The following NCK2 variants were observed in gnomAD, a reference collection of about 807,000 sequenced individuals.
The protein encoded by NCK2 is cytoplasmic protein NCK2.
Under a neutral mutation model 33.9 loss-of-function variants are expected in NCK2, and 16 were observed. That is an observed-to-expected ratio of 0.47 (90% CI 0.32 to 0.72). NCK2 has a LOEUF of 0.72. Ranked by LOEUF, NCK2 falls within the 30% of genes least tolerant of loss-of-function variation. The pLI, the probability that NCK2 is intolerant of heterozygous loss-of-function variation, is 0.03. For missense variants in NCK2, 418 were observed against 537.3 expected, an observed-to-expected ratio of 0.78 and a Z score of 2.19; for synonymous variants, 273 against 239.9, an observed-to-expected ratio of 1.14 and a Z score of -1.27.
chr2:105,808,420 A>T (rs1326759097), intron 1 of NCK2, among the ~76,000 whole-genome samples: 1 of 152,226 alleles, frequency 6.6e-6, no homozygotes, highest in Non-Finnish European at 1.5e-5. Flanking sequence ...GGACTCCCTG[A>T]TACATTAGCA....
intron 2 of NCK2, among the ~76,000 whole-genome samples, chr2:105,818,948 G>A (rs1005500694): frequency 3.9e-5 from 6 of 152,158 alleles, no homozygotes; most frequent in Non-Finnish European, 7.3e-5. Context: ...TTGATGTGTG[G>A]TATTTAGAAC....
At chr2:105,766,199 G>C (rs1689941944) in intron 1 of NCK2, among the ~76,000 whole-genome samples, 1 of 152,204 alleles carries the variant, frequency 6.6e-6, no homozygotes, top group African/African-American at 2.4e-5. Context: ...GGTAGCAGGA[G>C]AGCCCGGGAA....
chr2:105,839,511 G>A (rs11124062), intron 2 of NCK2, among the ~76,000 whole-genome samples: 47,409 of 151,974 alleles, frequency 0.31, 7,852 homozygotes, highest in South Asian at 0.41. Flanking sequence ...TGGGGGCTGG[G>A]TCAGCCCACT....
At chr2:105,866,335 T>C (rs1457831217) in intron 3 of NCK2, among the ~76,000 whole-genome samples, 2 of 151,900 alleles carry the variant, frequency 1.3e-5, no homozygotes, top group African/African-American at 4.8e-5. Context: ...CCAGTGTTAA[T>C]ATAAGTATAT....
intron 1 of NCK2, among the ~76,000 whole-genome samples, chr2:105,800,978 G>C (rs543584488): frequency 6.6e-6 from 1 of 152,258 alleles, no homozygotes; most frequent in Non-Finnish European, 1.5e-5. Flanking sequence ...CAGAAGATTG[G>C]AGACAGGCAA....
chr2:105,849,561 A>G (rs898210885), intron 2 of NCK2, among the ~76,000 whole-genome samples: 3 of 152,178 alleles, frequency 2.0e-5, no homozygotes, highest in African/African-American at 7.2e-5. Flanking sequence ...ACCCATTGTC[A>G]ATACACAGTG....
At chr2:105,811,805 C>T (rs1432112405) in intron 1 of NCK2, among the ~76,000 whole-genome samples, 1 of 152,190 alleles carries the variant, frequency 6.6e-6, no homozygotes, top group Non-Finnish European at 1.5e-5. Context: ...TCTCTTCAGC[C>T]TCTTGAACCT....
At chr2:105,763,615 G>A (rs1689836469) in intron 1 of NCK2, among the ~76,000 whole-genome samples, 1 of 152,104 alleles carries the variant, frequency 6.6e-6, no homozygotes, top group African/African-American at 2.4e-5. Flanking sequence ...ATTATTTACT[G>A]TTACAGCAGT....
At chr2:105,870,113 G>C (rs1227298350) in intron 3 of NCK2, among the ~76,000 whole-genome samples, 1 of 152,138 alleles carries the variant, frequency 6.6e-6, no homozygotes, top group African/African-American at 2.4e-5. Context: ...ACTGGCAAAG[G>C]GACTACCTGC....
At chr2:105,857,425 T>C (rs955801216) in intron 3 of NCK2, among the ~76,000 whole-genome samples, 9 of 152,172 alleles carry the variant, frequency 5.9e-5, no homozygotes, top group Non-Finnish European at 1.2e-4. Flanking sequence ...CGAAAACAGA[T>C]TGTTAGAAAG....
At chr2:105,879,519 G>C (rs542334921) in intron 3 of NCK2, among the ~76,000 whole-genome samples, 8 of 152,228 alleles carry the variant, frequency 5.3e-5, no homozygotes, top group Non-Finnish European at 1.2e-4. Flanking sequence ...AAATCTAAGC[G>C]TTTCACCTGT....
chr2:105,814,402 G>A (rs1453683658), intron 1 of NCK2, among the ~76,000 whole-genome samples: 1 of 152,208 alleles, frequency 6.6e-6, no homozygotes, highest in African/African-American at 2.4e-5. Context: ...TGTTGGAGCT[G>A]CTGCATTAGT....
intron 1 of NCK2, among the ~76,000 whole-genome samples, chr2:105,788,942 T>G (rs1247854254): frequency 6.6e-6 from 1 of 152,206 alleles, no homozygotes; most frequent in African/African-American, 2.4e-5. Context: ...ATTCAACTTT[T>G]TAGAATTCTA....
intron 3 of NCK2, among the ~76,000 whole-genome samples, chr2:105,871,197 C>G (rs1422350182): frequency 6.6e-6 from 1 of 151,900 alleles, no homozygotes; most frequent in African/African-American, 2.4e-5. Flanking sequence ...ACGATGGTGA[C>G]TTTGTTTGTC....
At position 105,809,085 on chromosome 2, in the gene NCK2, TG is replaced by T. The variant is rs2104465560; in HGVS notation, c.-200-7342del. Among the ~76,000 whole-genome samples the T allele has an allele frequency of 2.0e-5, 3 of 152,346 alleles. No homozygotes were observed. The South Asian group carries it at 6.2e-4, about 32-fold the overall frequency. Reference sequence around the variant, plus strand: ...AGGAAGCCAGCTGTAGTGCTTAAACTGGGTTTTGAAGAATGAATAGGTGTTG... The same window carrying T: ...AGGAAGCCAGCTGTAGTGCTTAAACTGGTTTTGAAGAATGAATAGGTGTTG... On this transcript the variant is annotated intron_variant, in intron 1 of 4. Transcript: ENST00000233154.
In NCK2 at chr2:105,812,636, C is replaced by T. The variant is rs113559177; in HGVS notation, c.-200-3794C>T. 7.1e-3 allele frequency among the ~76,000 whole-genome samples: 1,075 copies of T among 152,274 alleles called. 10 individuals carry two copies. Among genetic ancestry groups the T allele is most frequent in the African/African-American group, 0.025 (1,018 of 41,540 alleles). ...GAGAGCTCTGAGGCCTATGCTAATC[C>T]ATGCTTTTTTGTTTTTCTTTTTAAA... On this transcript the variant is annotated intron_variant, in intron 1 of 4. Coordinates refer to ENST00000233154, the MANE Select transcript of NCK2 (RefSeq NM_003581.5).
chr2:105,818,344 G>A (rs1004603663), intron 2 of NCK2, among the ~76,000 whole-genome samples: 1 of 150,374 alleles, frequency 6.7e-6, no homozygotes, highest in East Asian at 2.0e-4. Context: ...GAGTTAACGG[G>A]TGCAGCACAC....
intron 3 of NCK2, among the ~76,000 whole-genome samples, chr2:105,872,717 C>G (rs1430865332): frequency 6.6e-6 from 1 of 152,190 alleles, no homozygotes; most frequent in Non-Finnish European, 1.5e-5. Context: ...AGTGTAAATT[C>G]ATGGCAGAGC....
At chr2:105,828,975 T>G (rs907025539) in intron 2 of NCK2, among the ~76,000 whole-genome samples, 1 of 152,224 alleles carries the variant, frequency 6.6e-6, no homozygotes, top group Non-Finnish European at 1.5e-5. Context: ...GATTCTTTAT[T>G]TCAGACCCCC....
Sources: gnomAD v4.1 joint callset for allele counts (sites outside exome capture counted in the v4.1 genomes callset) on GRCh38, gnomAD v4.1.1 for gene constraint, MANE v1.5 for transcripts, NCBI Gene and HGNC (gene_info 2026-07-23, HGNC 2026-07-21) for gene names.